HHIP: variants seen among roughly 807,000 people sequenced by gnomAD.
HHIP encodes the protein hedgehog interacting protein.
HHIP carries 12 observed loss-of-function variants against 74.0 expected under a neutral mutation model. That is an observed-to-expected ratio of 0.16 (90% confidence interval 0.10 to 0.26). The LOEUF (loss-of-function observed/expected upper bound fraction) is 0.26. Ranked by LOEUF, HHIP falls within the 10% of genes least tolerant of loss-of-function variation. The pLI is 1.00. For missense variants in HHIP, 788 were observed against 845.0 expected (o/e 0.93, Z 0.84); for synonymous variants, 309 against 311.6 (o/e 0.99, Z 0.09).
rs202053843 is a variant in HHIP, at chr4:144,715,373, G to T, written c.1621G>T (p.Gly541Trp). ...QEKPLCLGTS[G>W]SCRGYFSGHI... ...AAAACCACTCTGTCTCGGCACTAGT[G>T]GGTCCTGTAGAGGCTACTTTTCCGG... Residue 541 changes from glycine to tryptophan, a missense_variant, in exon 10 of 13, where the codon GGG becomes TGG. Gly to Trp is a radical substitution (Grantham distance 184, BLOSUM62 -2). Coordinates refer to ENST00000296575, the MANE Select transcript of HHIP (RefSeq NM_022475.3). 1.7e-5 allele frequency: 27 copies of T among 1,613,374 alleles called. No individual in the cohort carries two copies. The highest frequency in any genetic ancestry group is 2.3e-5 in the Non-Finnish European group (27 of 1,179,550).
rs943332789 is a variant in HHIP, at chr4:144,742,714, A to T, written c.*4757A>T. 1 of 151,246 alleles carries T rather than the reference A, an allele frequency of 6.6e-6. No homozygotes were observed. The highest frequency in any genetic ancestry group is 2.1e-4 in the South Asian group (1 of 4,802). 9.4% of individuals were successfully genotyped at this position (151,246 alleles called of 1,614,324 possible). On this transcript the variant is annotated 3_prime_UTR_variant, in exon 13 of 13. Transcript: ENST00000296575. ...TACTGTGAATGCTGGCAATACCATC[A>T]GAAAGTTTATCTTTAAAATACCTAA...
chr4:144,664,247 G>A (rs1051036389), intron 4 of HHIP, among the ~76,000 whole-genome samples: 2 of 152,188 alleles, frequency 1.3e-5, no homozygotes, highest in Admixed American at 6.5e-5. Context: ...CTAATTGTCC[G>A]GGTGACTGAG....
chr4:144,698,044 G>C (rs149254389), intron 4 of HHIP, among the ~76,000 whole-genome samples: 1 of 152,208 alleles, frequency 6.6e-6, no homozygotes, highest in Non-Finnish European at 1.5e-5. Flanking sequence ...GTCTGCATCT[G>C]CTACCTTCAA....
intron 4 of HHIP, among the ~76,000 whole-genome samples, chr4:144,687,555 G>C (rs1300543186): frequency 6.6e-6 from 1 of 152,040 alleles, no homozygotes; most frequent in African/African-American, 2.4e-5. Flanking sequence ...ATAGTGTAGT[G>C]AGCCTTATGT....
chr4:144,656,383 G>A (rs1342372563), intron 2 of HHIP, among the ~76,000 whole-genome samples: 4 of 152,110 alleles, frequency 2.6e-5, no homozygotes, highest in Admixed American at 2.6e-4. Flanking sequence ...GAGCCACCAA[G>A]TTTATGAATA....
intron 4 of HHIP, among the ~76,000 whole-genome samples, chr4:144,700,012 T>C (rs1729932374): frequency 6.6e-6 from 1 of 152,286 alleles, no homozygotes; most frequent in Non-Finnish European, 1.5e-5. Context: ...GTAGAAATGG[T>C]TTATATATAT....
chr4:144,716,148 A>C lies in HHIP; in HGVS notation c.1678+718A>C, dbSNP rs530294444. On this transcript the variant is annotated intron_variant, in intron 10 of 12. Transcript: ENST00000296575. ...TCCCTTTAAAAAATAATATTCAAAC[A>C]AACCTTAACTATTATGCTCCTTTAG... is the stretch of plus-strand genomic sequence containing the variant. Among the ~76,000 whole-genome samples the C allele has an allele frequency of 2.6e-5, 4 of 152,348 alleles. No individual in the cohort carries two copies. In the East Asian group the frequency reaches 7.7e-4, roughly 29 times the overall value.
At chr4:144,689,311 A>T (rs1729580329) in intron 4 of HHIP, among the ~76,000 whole-genome samples, 1 of 152,218 alleles carries the variant, frequency 6.6e-6, no homozygotes, top group Admixed American at 6.5e-5. Context: ...TTTCTAAGGA[A>T]ATTATGAGAA....
intron 4 of HHIP, among the ~76,000 whole-genome samples, chr4:144,670,764 GAAA>G (rs1167213848): frequency 0.34 from 18,409 of 54,196 alleles, 1,342 homozygotes; most frequent in South Asian, 0.42. Flanking sequence ...CTTAAGATTT[GAAA>G]AAAAAAAAAA....
At chr4:144,660,444 T>C (rs1387631) in intron 4 of HHIP, among the ~76,000 whole-genome samples, 85,635 of 151,976 alleles carry the variant, frequency 0.56, 24,479 homozygotes, top group South Asian at 0.73. Context: ...TGACACAGTA[T>C]AACATTAGCA....
chr4:144,658,326 C>A (rs1017309493), intron 2 of HHIP, among the ~76,000 whole-genome samples: 4 of 151,348 alleles, frequency 2.6e-5, no homozygotes, highest in African/African-American at 9.7e-5. Flanking sequence ...TCCCAACCCC[C>A]GATATTTTTC....
chr4:144,722,800 G>T (rs987748562), intron 11 of HHIP, among the ~76,000 whole-genome samples: 2 of 152,036 alleles, frequency 1.3e-5, no homozygotes, highest in African/African-American at 4.8e-5. Flanking sequence ...GTTGCAGTGA[G>T]CTGAGATCAC....
At chr4:144,731,929 T>G (rs572086437) in intron 11 of HHIP, among the ~76,000 whole-genome samples, 1 of 152,296 alleles carries the variant, frequency 6.6e-6, no homozygotes, top group East Asian at 1.9e-4. Flanking sequence ...TATACTTTTG[T>G]GTATGCATGT....
chr4:144,729,694 C>T (rs1042661343), intron 11 of HHIP, among the ~76,000 whole-genome samples: 4 of 152,062 alleles, frequency 2.6e-5, no homozygotes, highest in Non-Finnish European at 5.9e-5. Context: ...TTCCATGTGT[C>T]CCAATGTGTC....
chr4:144,737,552 C>T (rs967323264), intron 12 of HHIP, among the ~76,000 whole-genome samples: 2 of 152,194 alleles, frequency 1.3e-5, no homozygotes, highest in African/African-American at 4.8e-5. Flanking sequence ...AGAAATGTCT[C>T]TCATTCTCTG....
At chr4:144,663,324 G>A (rs1728765410) in intron 4 of HHIP, among the ~76,000 whole-genome samples, 1 of 152,046 alleles carries the variant, frequency 6.6e-6, no homozygotes, top group African/African-American at 2.4e-5. Flanking sequence ...CCCCAAAACA[G>A]TCAGTCAGAA....
chr4:144,668,603 T>C (rs1278922263), intron 4 of HHIP, among the ~76,000 whole-genome samples: 1 of 151,576 alleles, frequency 6.6e-6, no homozygotes, highest in African/African-American at 2.4e-5. Context: ...AATACAAAAA[T>C]TAGCTGGGTG....
chr4:144,681,130 C>A (rs1437242646), intron 4 of HHIP, among the ~76,000 whole-genome samples: 1 of 152,072 alleles, frequency 6.6e-6, no homozygotes, highest in Admixed American at 6.5e-5. Context: ...GTCATCTTTA[C>A]AAATATATCA....
At chr4:144,710,791 C>A (rs1350798573) in intron 7 of HHIP, among the ~76,000 whole-genome samples, 1 of 152,182 alleles carries the variant, frequency 6.6e-6, no homozygotes, top group African/African-American at 2.4e-5. Context: ...CAGTTGGCAG[C>A]ACAGCCTCCC....
Sources: allele counts gnomAD v4.1 joint callset (sites outside exome capture counted in the v4.1 genomes callset), GRCh38; gene constraint gnomAD v4.1.1; transcripts MANE v1.5; gene names NCBI Gene and HGNC (gene_info 2026-07-23, HGNC 2026-07-21).